Variants in COL19A1 observed in about 807,000 individuals in gnomAD.
COL19A1 encodes collagen type XIX alpha 1 chain.
In COL19A1, 159 loss-of-function variants were observed where a neutral mutation model predicts 190.2. That is an observed-to-expected ratio of 0.84 (90% CI 0.73 to 0.95). The LOEUF (loss-of-function observed/expected upper bound fraction) is 0.95, where lower values mean the gene tolerates loss of function less well. Among genes scored for constraint, COL19A1 ranks in the 40% least tolerant of loss-of-function variants. The pLI is 0.00. For missense variants in COL19A1, 1,418 were observed against 1,431.9 expected (o/e 0.99, Z 0.16); for synonymous variants, 509 against 458.9 (o/e 1.11, Z -1.39).
chr6:70,184,033 C>A (rs1045504772), intron 44 of COL19A1, among the ~76,000 whole-genome samples: 9 of 152,202 alleles, frequency 5.9e-5, no homozygotes, highest in Admixed American at 2.0e-4. Flanking sequence ...ACTTCTAGAA[C>A]TCCCTTTTAA....
intron 41 of COL19A1, among the ~76,000 whole-genome samples, chr6:70,176,297 G>T (rs1219754268): frequency 6.6e-6 from 1 of 152,044 alleles, no homozygotes. Flanking sequence ...ATTTACTTTA[G>T]TTTTATGGAA....
chr6:69,912,221 T>G (rs1173700918), intron 4 of COL19A1, among the ~76,000 whole-genome samples: 1 of 152,220 alleles, frequency 6.6e-6, no homozygotes, highest in East Asian at 1.9e-4. Context: ...TTCCTTCTTT[T>G]TTTGGTGGTC....
intron 14 of COL19A1, among the ~76,000 whole-genome samples, chr6:70,047,679 C>T (rs779181809): frequency 6.6e-6 from 1 of 152,076 alleles, no homozygotes; most frequent in Non-Finnish European, 1.5e-5. Flanking sequence ...TGTAACTTCA[C>T]AAATTGTGTA....
intron 4 of COL19A1, among the ~76,000 whole-genome samples, chr6:69,901,930 A>G (rs1341026943): frequency 6.6e-6 from 1 of 152,220 alleles, no homozygotes; most frequent in East Asian, 1.9e-4. Flanking sequence ...CGACATTTAG[A>G]CAATGCTATT....
Position 70,156,384 on chromosome 6 carries a change from C to T in COL19A1, c.2238+15C>T, listed in dbSNP as rs879412657. ...AGGGACCAAAGGTAAGAAATTCTCT[C>T]CTCCACTTTCCCCTGTGGGAACCTC... On this transcript the variant is annotated intron_variant, in intron 33 of 50. Transcript: ENST00000620364. 5.6e-6 allele frequency: 9 copies of T among 1,612,368 alleles called. No individual in the cohort carries two copies. Among genetic ancestry groups the T allele is most frequent in the Non-Finnish European group, 6.8e-6 (8 of 1,179,096 alleles).
Position 70,161,248 on chromosome 6 carries a change from T to C in COL19A1, c.2293-652T>C, listed in dbSNP as rs1183970726. 3.3e-5 allele frequency among the ~76,000 whole-genome samples: 5 copies of C among 152,188 alleles called. No homozygotes were observed. The East Asian group carries it at 9.6e-4, about 29-fold the overall frequency. On this transcript the variant is annotated intron_variant, in intron 34 of 50. Coordinates refer to ENST00000620364, the MANE Select transcript of COL19A1 (RefSeq NM_001858.6). The stretch of plus-strand genomic sequence containing the variant: ...ATATTATATCATAAAACATATTCCA[T>C]TTTTCCCTAGCTGAATGGAGCTTAA...
chr6:70,179,038 T>A (rs1261484206), intron 42 of COL19A1, among the ~76,000 whole-genome samples: 5 of 152,150 alleles, frequency 3.3e-5, no homozygotes, highest in Admixed American at 1.3e-4. Flanking sequence ...ATACCCGCCA[T>A]GTCCCACAAT....
At chr6:70,007,990 G>A (rs1777739619) in intron 11 of COL19A1, among the ~76,000 whole-genome samples, 1 of 151,600 alleles carries the variant, frequency 6.6e-6, no homozygotes, top group African/African-American at 2.4e-5. Flanking sequence ...GTCAAAGAAG[G>A]AATCAAAAGG....
chr6:70,187,973 G>A (rs1255025030), intron 46 of COL19A1, 102 bp from the exon 47 acceptor site: 3 of 1,332,728 alleles, frequency 2.3e-6, no homozygotes, highest in Middle Eastern at 2.1e-4. Flanking sequence ...TTTATACAAG[G>A]CCCAACAGCT....
intron 11 of COL19A1, among the ~76,000 whole-genome samples, chr6:69,982,392 C>T (rs1321146594): frequency 6.6e-5 from 10 of 151,786 alleles, no homozygotes; most frequent in East Asian, 2.0e-4. Context: ...AGGCACCTGC[C>T]GCCACACCCG....
chr6:69,967,313 T>C (rs1305682582), intron 11 of COL19A1, among the ~76,000 whole-genome samples: 1 of 152,192 alleles, frequency 6.6e-6, no homozygotes, highest in East Asian at 1.9e-4. Flanking sequence ...TTTTCTGGTC[T>C]CTTGAGGGCC....
intron 15 of COL19A1, among the ~76,000 whole-genome samples, chr6:70,081,289 T>G (rs2150164078): frequency 6.6e-6 from 1 of 152,266 alleles, no homozygotes; most frequent in Non-Finnish European, 1.5e-5. Context: ...CTATCTTATT[T>G]TCCATTTAAA....
chr6:69,917,825 T>TA (rs141435216), intron 4 of COL19A1, among the ~76,000 whole-genome samples: 4,713 of 151,426 alleles, frequency 0.031, 241 homozygotes, highest in African/African-American at 0.11. Context: ...GCTGATGAGC[T>TA]AAAAAAAAAT....
chr6:70,070,171 A>C (rs921611790), intron 15 of COL19A1, among the ~76,000 whole-genome samples: 4 of 152,168 alleles, frequency 2.6e-5, no homozygotes, highest in African/African-American at 9.6e-5. Context: ...GAACTGAAAA[A>C]ATATTTAAAT....
chr6:70,061,191 C>A (rs1459022913), intron 14 of COL19A1, among the ~76,000 whole-genome samples: 3 of 152,110 alleles, frequency 2.0e-5, no homozygotes, highest in Non-Finnish European at 4.4e-5. Context: ...TATTTTTCTA[C>A]AGTTGATTGA....
At chr6:70,143,851 C>G (rs1009740403) in intron 23 of COL19A1, among the ~76,000 whole-genome samples, 1 of 151,878 alleles carries the variant, frequency 6.6e-6, no homozygotes, top group East Asian at 1.9e-4. Context: ...GGGAAAGAGC[C>G]ACTGTTTCTA....
chr6:70,021,003 C>T (rs922166309), intron 11 of COL19A1, among the ~76,000 whole-genome samples: 2 of 152,052 alleles, frequency 1.3e-5, no homozygotes, highest in South Asian at 2.1e-4. Flanking sequence ...GACATTGACT[C>T]CTACTTTATG....
intron 16 of COL19A1, among the ~76,000 whole-genome samples, chr6:70,106,073 G>A (rs1483382926): frequency 6.6e-6 from 1 of 152,038 alleles, no homozygotes; most frequent in Non-Finnish European, 1.5e-5. Context: ...CCCTTTGGGG[G>A]TTTAAGATGT....
rs114411555 is a variant in COL19A1, at chr6:69,959,974, T to A, written c.937-22T>A. ...CATATATCTTTATGGATCATAAACATTATTCTGTGTACTTCTTTTAGGGTG... is the reference window on the plus strand; with the variant it reads ...CATATATCTTTATGGATCATAAACAATATTCTGTGTACTTCTTTTAGGGTG... On this transcript the variant is annotated intron_variant, in intron 9 of 50. Transcript: ENST00000620364. 5.8e-4 allele frequency: 939 copies of A among 1,609,892 alleles called. 5 individuals are homozygous for A. The African/African-American group carries it at 0.011, about 18-fold the overall frequency.
Sources: gnomAD v4.1 joint callset for allele counts (sites outside exome capture counted in the v4.1 genomes callset) on GRCh38, gnomAD v4.1.1 for gene constraint, MANE v1.5 for transcripts, NCBI Gene and HGNC (gene_info 2026-07-23, HGNC 2026-07-21) for gene names.